GATAD2A: variants seen among roughly 807,000 people sequenced by gnomAD.
GATAD2A encodes the protein GATA zinc finger domain containing 2A, also known as transcriptional repressor p66-alpha.
Under a neutral mutation model 68.5 loss-of-function variants are expected in GATAD2A, and 12 were observed. The observed-to-expected ratio is 0.18, with a 90% CI of 0.11 to 0.28. GATAD2A has a LOEUF of 0.28. GATAD2A is among the 10% of genes least tolerant of loss of function. The pLI is 1.00. For missense variants in GATAD2A, 755 were observed against 868.5 expected, an observed-to-expected ratio of 0.87 and a Z score of 1.64; for synonymous variants, 410 against 375.3, an observed-to-expected ratio of 1.09 and a Z score of -1.07.
intron 1 of GATAD2A, among the ~76,000 whole-genome samples, chr19:19,431,421 C>T (rs982336401): frequency 2.0e-5 from 3 of 151,282 alleles, no homozygotes; most frequent in Admixed American, 2.0e-4. Context: ...AGCGGCTGGG[C>T]GCGGTGGCTC....
At chr19:19,433,538 C>A (rs937306732) in intron 1 of GATAD2A, among the ~76,000 whole-genome samples, 1 of 152,110 alleles carries the variant, frequency 6.6e-6, no homozygotes, top group African/African-American at 2.4e-5. Flanking sequence ...AGAATTGATA[C>A]CTTCTGACCC....
At chr19:19,452,809 C>T (rs1188496265) in intron 1 of GATAD2A, among the ~76,000 whole-genome samples, 4 of 152,162 alleles carry the variant, frequency 2.6e-5, no homozygotes, top group South Asian at 2.1e-4. Flanking sequence ...ACCTGCCTGT[C>T]CAGATCCTGC....
At position 19,426,959 on chromosome 19, in the gene GATAD2A, C is replaced by T. The variant is rs558206942; in HGVS notation, c.-7+20940C>T. 9.2e-5 allele frequency among the ~76,000 whole-genome samples: 14 copies of T among 152,280 alleles called. No homozygotes were observed. In the South Asian group the frequency reaches 2.9e-3, roughly 32 times the overall value. On this transcript the variant is annotated intron_variant, in intron 1 of 11. Coordinates refer to ENST00000683918, the MANE Select transcript of GATAD2A (RefSeq NM_001384528.1). Reference sequence around the variant, plus strand: ...ACCATGGGTATACCAGGCTCATGTGCTTTTTTTCTGTACACGCTTTGGCAT... The same window carrying T: ...ACCATGGGTATACCAGGCTCATGTGTTTTTTTTCTGTACACGCTTTGGCAT...
intron 1 of GATAD2A, among the ~76,000 whole-genome samples, chr19:19,395,648 C>T (rs1054757038): frequency 2.6e-5 from 4 of 152,086 alleles, no homozygotes; most frequent in East Asian, 3.8e-4. Flanking sequence ...GTGTTCCCCT[C>T]GGGAGCTTGT....
intron 1 of GATAD2A, among the ~76,000 whole-genome samples, chr19:19,435,464 G>A (rs534681081): frequency 2.0e-4 from 30 of 152,304 alleles, no homozygotes; most frequent in African/African-American, 7.0e-4. Context: ...GGCTCAAGCA[G>A]TCCTCCTGCC....
At chr19:19,435,510 C>T (rs923067563) in intron 1 of GATAD2A, among the ~76,000 whole-genome samples, 1 of 152,184 alleles carries the variant, frequency 6.6e-6, no homozygotes, top group Non-Finnish European at 1.5e-5. Flanking sequence ...CAGGCGTGAG[C>T]CACTGTGCCT....
rs375544045 is a variant in GATAD2A at position 19,399,568 on chromosome 19, CT to C, written c.-7+13435del. Among the ~76,000 whole-genome samples, 217 of 152,222 alleles carry C rather than the reference CT, an allele frequency of 1.4e-3. 3 individuals carry two copies. Among genetic ancestry groups the C allele is most frequent in the African/African-American group, 5.1e-3 (212 of 41,540 alleles). On this transcript the variant is annotated intron_variant, in intron 1 of 11. Coordinates refer to the GATAD2A transcript ENST00000360315. Reference sequence around the variant, plus strand: ...TCAAATTGTCTCTATTGAAGGTTACCTTTTTGACCTAAATTTGAAATAAATA... The same window carrying C: ...TCAAATTGTCTCTATTGAAGGTTACCTTTTGACCTAAATTTGAAATAAATA...
chr19:19,414,223 C>G (rs1468396482), intron 1 of GATAD2A, among the ~76,000 whole-genome samples: 1 of 152,098 alleles, frequency 6.6e-6, no homozygotes, highest in Non-Finnish European at 1.5e-5. Flanking sequence ...AGAAATATAA[C>G]TATTTTTGGG....
chr19:19,481,112 A>G (rs1326178012), intron 2 of GATAD2A, among the ~76,000 whole-genome samples: 1 of 152,024 alleles, frequency 6.6e-6, no homozygotes, highest in Non-Finnish European at 1.5e-5. Context: ...AGTTCTCACC[A>G]TGTTTTCTCC....
Position 19,441,421 on chromosome 19 carries a change from C to T in GATAD2A, c.-6-23919C>T, listed in dbSNP as rs144428071. ...ATTTTTATTTTTGGGCAGGGTCTTG[C>T]TCTGCCACCTAGGCTGGAGTGCAGT... On this transcript the variant is annotated intron_variant, in intron 1 of 11. Transcript: ENST00000683918. Among the ~76,000 whole-genome samples, 92 of 152,236 alleles carry T rather than the reference C, an allele frequency of 6.0e-4. 1 individual carries two copies. The East Asian group carries it at 0.016, about 27-fold the overall frequency.
intron 2 of GATAD2A, among the ~76,000 whole-genome samples, chr19:19,483,331 T>C (rs932266482): frequency 3.9e-5 from 6 of 152,194 alleles, no homozygotes; most frequent in African/African-American, 1.4e-4. Flanking sequence ...GGAAGAATGA[T>C]GGCTGAGTTT....
chr19:19,420,202 A>T (rs1169360096), intron 1 of GATAD2A, among the ~76,000 whole-genome samples: 300 of 64,408 alleles, frequency 4.7e-3, no homozygotes, highest in African/African-American at 0.012. Context: ...TTTTTTTTTT[A>T]AGTAGAGACG....
intron 1 of GATAD2A, among the ~76,000 whole-genome samples, chr19:19,399,018 C>G (rs1281846765): frequency 2.0e-5 from 3 of 151,844 alleles, no homozygotes; most frequent in African/African-American, 7.3e-5. Flanking sequence ...GAGATCACGC[C>G]ACTGCCCTCC....
chr19:19,454,287 C>T (rs192474049), intron 1 of GATAD2A, among the ~76,000 whole-genome samples: 2 of 151,220 alleles, frequency 1.3e-5, no homozygotes, highest in East Asian at 4.1e-4. Flanking sequence ...TGAGCCACCA[C>T]ACCCGGCTTA....
chr19:19,415,590 C>T (rs2051511527), intron 1 of GATAD2A, among the ~76,000 whole-genome samples: 1 of 151,410 alleles, frequency 6.6e-6, no homozygotes, highest in South Asian at 2.1e-4. Flanking sequence ...GCTGCGATTA[C>T]AGGCGTGCGC....
intron 1 of GATAD2A, among the ~76,000 whole-genome samples, chr19:19,394,548 C>T (rs377433378): frequency 2.0e-5 from 3 of 150,872 alleles, no homozygotes; most frequent in Admixed American, 6.6e-5. Context: ...CAGGTTCAAG[C>T]GATTCTCCTG....
intron 1 of GATAD2A, among the ~76,000 whole-genome samples, chr19:19,429,916 C>T (rs1436219369): frequency 2.6e-5 from 4 of 152,020 alleles, no homozygotes; most frequent in Non-Finnish European, 4.4e-5. Context: ...TTGGGGAGAG[C>T]GGGGACTGCT....
intron 1 of GATAD2A, among the ~76,000 whole-genome samples, chr19:19,411,204 T>C (rs1450076709): frequency 1.3e-5 from 2 of 152,264 alleles, no homozygotes; most frequent in Non-Finnish European, 2.9e-5. Flanking sequence ...GTCACCTTGC[T>C]CATTATTCGG....
At chr19:19,404,248 C>A (rs1005107102), upstream of GATAD2A, among the ~76,000 whole-genome samples, 4 of 148,970 alleles carry the variant, frequency 2.7e-5, no homozygotes, top group African/African-American at 9.9e-5. Flanking sequence ...GGACATACAG[C>A]AGAAAAACAA....
Sources: allele counts gnomAD v4.1 joint callset (sites outside exome capture counted in the v4.1 genomes callset), GRCh38; gene constraint gnomAD v4.1.1; transcripts MANE v1.5; gene names NCBI Gene and HGNC (gene_info 2026-07-23, HGNC 2026-07-21).